VPS33B: variants seen among roughly 807,000 people sequenced by gnomAD.
VPS33B encodes the protein VPS33B late endosome and lysosome associated, also known as vacuolar protein sorting-associated protein 33B.
A neutral mutation model predicts 95.3 loss-of-function variants in VPS33B; 80 were observed. The ratio of observed to expected loss-of-function variants is 0.84; its 90% CI spans 0.70 to 1.01. The LOEUF is 1.01. VPS33B is among the 50% of genes least tolerant of loss of function. The probability of loss-of-function intolerance (pLI) is 0.00; values close to 1 mark genes in which losing one functional copy is unlikely to be tolerated. For synonymous variants in VPS33B, 280 were observed against 280.4 expected, an observed-to-expected ratio of 1.00 and a Z score of 0.01; for missense variants, 715 against 773.4, an observed-to-expected ratio of 0.92 and a Z score of 0.90.
chr15:91,009,927 G>T lies in VPS33B; in HGVS notation c.358-81C>A, dbSNP rs2040735161. 3 of 1,531,546 alleles carry T rather than the reference G, an allele frequency of 2.0e-6. No individual in the cohort carries two copies. The highest frequency in any genetic ancestry group is 1.7e-5 in the Admixed American group (1 of 59,604). 94.9% of individuals were successfully genotyped at this position (1,531,546 alleles called of 1,614,324 possible). A position where few individuals can be genotyped will look rare whatever the true frequency, so the allele number is the denominator to read the frequency against. ...TCTCTGGAGTTCCTCTGTGGTCACT[G>T]ATGAGGACAATAATTGCCGAACCCA... On this transcript the variant is annotated intron_variant, in intron 5 of 22. Coordinates refer to ENST00000333371, the MANE Select transcript of VPS33B (RefSeq NM_018668.5). This position sits in a 1 kb window ranked among gnomAD's most constrained non-coding sequence, Gnocchi z 4.1.
chr15:91,006,625 C>T lies in VPS33B; in HGVS notation c.778+27G>A, dbSNP rs190378588. On this transcript the variant is annotated intron_variant, in intron 10 of 22. Transcript: ENST00000333371. The surrounding 1 kb of genome is among the most constrained non-coding windows in gnomAD (Gnocchi z 5.4). ...AAGGCTGATGACCCGTCCATCTTGC[C>T]AAGATGCAGAGGACCATAGCACTTA... 2 of 1,614,152 alleles carry T rather than the reference C, an allele frequency of 1.2e-6. No homozygotes were observed. Among genetic ancestry groups the T allele is most frequent in the South Asian group, 1.1e-5 (1 of 91,086 alleles).
At position 91,006,630 on chromosome 15, in the gene VPS33B, T is replaced by C; in HGVS notation, c.778+22A>G. The C allele has an allele frequency of 1.2e-6, 2 of 1,614,192 alleles. No homozygotes were observed. Among genetic ancestry groups the C allele is most frequent in the Non-Finnish European group, 1.7e-6 (2 of 1,180,010 alleles). On this transcript the variant is annotated intron_variant, in intron 10 of 22. Transcript: ENST00000333371. The surrounding 1 kb of genome is among the most constrained non-coding windows in gnomAD (Gnocchi z 5.4). ...TGATGACCCGTCCATCTTGCCAAGA[T>C]GCAGAGGACCATAGCACTTACCACA...
At position 91,006,162 on chromosome 15, in the gene VPS33B, A is replaced by T; in HGVS notation, c.853-103T>A. The T allele has an allele frequency of 7.1e-7, 1 of 1,418,408 alleles. No homozygotes were observed. Among genetic ancestry groups the T allele is most frequent in the Non-Finnish European group, 9.9e-7 (1 of 1,014,722 alleles). The allele number at this position is 1,418,408 out of a possible 1,614,324, so 87.9% of individuals were successfully genotyped here. The stretch of plus-strand genomic sequence containing the variant: ...TACTCAGGTGTTCTGGCAGAAATAC[A>T]AAGAAAGCTGAGCTGGGATCTGTAA... On this transcript the variant is annotated intron_variant, in intron 11 of 22. Coordinates refer to ENST00000333371, the MANE Select transcript of VPS33B (RefSeq NM_018668.5). This position sits in a 1 kb window ranked among gnomAD's most constrained non-coding sequence, Gnocchi z 5.4.
chr15:91,017,983 G>T, intron 1 of VPS33B, 98 bp from the exon 2 acceptor site: 2 of 1,066,060 alleles, frequency 1.9e-6, no homozygotes, highest in Non-Finnish European at 2.9e-6. Flanking sequence ...CAGTCTCTGA[G>T]GTGGGAGGGC....
rs1478354530 is a variant in VPS33B, at chr15:91,018,685, G to A, written c.97-800C>T. Reference sequence around the variant, plus strand: ...GGGTTTTACTGGCATCTTGTGGGTAGAGGCCAGGGGTGCTGCTAGACATCC... The same window carrying A: ...GGGTTTTACTGGCATCTTGTGGGTAAAGGCCAGGGGTGCTGCTAGACATCC... On this transcript the variant is annotated intron_variant, in intron 1 of 22. Coordinates refer to ENST00000333371, the MANE Select transcript of VPS33B (RefSeq NM_018668.5). The surrounding 1 kb of genome is among the most constrained non-coding windows in gnomAD (Gnocchi z 4.7). Among the ~76,000 whole-genome samples the A allele has an allele frequency of 1.3e-5, 2 of 152,344 alleles. No individual in the cohort carries two copies. Among genetic ancestry groups the A allele is most frequent in the South Asian group, 4.1e-4 (2 of 4,828 alleles).
Position 91,006,479 on chromosome 15 carries a change from C to T in VPS33B, c.779-34G>A. 6.2e-7 allele frequency: 1 copy of T among 1,613,980 alleles called. No individual in the cohort carries two copies. Among genetic ancestry groups the T allele is most frequent in the Non-Finnish European group, 8.5e-7 (1 of 1,179,864 alleles). On this transcript the variant is annotated intron_variant, in intron 10 of 22. Transcript: ENST00000333371. This position sits in a 1 kb window ranked among gnomAD's most constrained non-coding sequence, Gnocchi z 5.4. Reference sequence around the variant, plus strand: ...GCAGAGGGACAGCTATTAGGATCTCCAATGAGGACTTCTCCTACCATTCCC... The same window carrying T: ...GCAGAGGGACAGCTATTAGGATCTCTAATGAGGACTTCTCCTACCATTCCC...
In VPS33B at chr15:91,002,958, G is replaced by C; in HGVS notation, c.1272+127C>G. The C allele has an allele frequency of 9.8e-7, 1 of 1,024,660 alleles. No individual in the cohort carries two copies. The allele number at this position is 1,024,660 out of a possible 1,614,324, so 63.5% of individuals were successfully genotyped here. ...GTGACTCTCCCTAGTAGCTCTAAGA[G>C]GGAGGCCTGAATGGAAACAGGAGGG... On this transcript the variant is annotated intron_variant, in intron 17 of 22. Transcript: ENST00000333371. This position sits in a 1 kb window ranked among gnomAD's most constrained non-coding sequence, Gnocchi z 4.7.
At position 91,001,309 on chromosome 15, in the gene VPS33B, CAA is replaced by C. The variant is rs35353020; in HGVS notation, c.1479+78_1479+79del. The C allele has an allele frequency of 0.032, 23,788 of 744,934 alleles. 221 individuals carry two copies. The highest frequency in any genetic ancestry group is 0.14 in the African/African-American group (6,000 of 42,456). 46.1% of individuals were successfully genotyped at this position (744,934 alleles called of 1,614,324 possible). ...TGGGCAACAGAGCAAGATTCCATCT[CAA>C]AAAAAAAAAAAAAAAAGAAAAGTAC... On this transcript the variant is annotated intron_variant, in intron 19 of 22. Transcript: ENST00000333371.
In VPS33B at chr15:91,002,345, C is replaced by G. The variant is rs112395785; in HGVS notation, c.1273-163G>C. Among the ~76,000 whole-genome samples the G allele has an allele frequency of 6.6e-6, 1 of 152,174 alleles. No homozygotes were observed. The highest frequency in any genetic ancestry group is 1.5e-5 in the Non-Finnish European group (1 of 68,012). On this transcript the variant is annotated intron_variant, in intron 17 of 22. Coordinates refer to ENST00000333371, the MANE Select transcript of VPS33B (RefSeq NM_018668.5). The surrounding 1 kb of genome is among the most constrained non-coding windows in gnomAD (Gnocchi z 4.7). ...TCACATCAGAAATAACCAAACAGGG[C>G]TGGGAGCGGTGGCTCATGCCTGTAA...
chr15:91,000,421 A>G lies in VPS33B; in HGVS notation c.1581+69T>C. 1 of 1,416,110 alleles carries G rather than the reference A, an allele frequency of 7.1e-7. No homozygotes were observed. The highest frequency in any genetic ancestry group is 9.8e-7 in the Non-Finnish European group (1 of 1,024,290). The allele number at this position is 1,416,110 out of a possible 1,614,324, so 87.7% of individuals were successfully genotyped here. A position where few individuals can be genotyped will look rare whatever the true frequency, so the allele number is the denominator to read the frequency against. The stretch of plus-strand genomic sequence containing the variant: ...CAAATAAAAAAAAAAAAACATTGAG[A>G]CACGCCAGGGACCAAGAGAAAGCAG... On this transcript the variant is annotated intron_variant, in intron 20 of 22. Transcript: ENST00000333371. This position sits in a 1 kb window ranked among gnomAD's most constrained non-coding sequence, Gnocchi z 4.9.
chr15:91,001,927 A>G (rs1419134461), intron 18 of VPS33B, 123 bp downstream of exon 18: 1 of 1,493,490 alleles, frequency 6.7e-7, no homozygotes, highest in African/African-American at 1.4e-5. Flanking sequence ...AATAATAGTA[A>G]TGACATTAAT....
intron 3 of VPS33B, 43 bp downstream of exon 3, chr15:91,016,920 C>T (rs370485630): frequency 3.2e-5 from 51 of 1,601,170 alleles, no homozygotes; most frequent in Non-Finnish European, 4.3e-5. Context: ...CCCTAGGGAC[C>T]TCTTCCAGCT....
chr15:91,001,077 A>G, intron 19 of VPS33B: 1 of 375,028 alleles, frequency 2.7e-6, no homozygotes, highest in Non-Finnish European at 5.1e-6. Context: ...GCACTTTGGG[A>G]GGCCGAGGTG....
chr15:90,999,472 C>G lies in VPS33B; in HGVS notation c.1774+205G>C. ...TAGTTAGCATTACAGGCACCGGCCACCATGCCTGGCTAATTTTTGTATTTT... is the reference window on the plus strand; with the variant it reads ...TAGTTAGCATTACAGGCACCGGCCAGCATGCCTGGCTAATTTTTGTATTTT... On this transcript the variant is annotated intron_variant, in intron 22 of 22. Coordinates refer to ENST00000333371, the MANE Select transcript of VPS33B (RefSeq NM_018668.5). The surrounding 1 kb of genome is among the most constrained non-coding windows in gnomAD (Gnocchi z 5.1). The G allele has an allele frequency of 1.5e-6, 1 of 646,728 alleles. No homozygotes were observed. Among genetic ancestry groups the G allele is most frequent in the Non-Finnish European group, 2.8e-6 (1 of 355,622 alleles). 40.1% of individuals were successfully genotyped at this position (646,728 alleles called of 1,614,324 possible). A position where few individuals can be genotyped will look rare whatever the true frequency, so the allele number is the denominator to read the frequency against.
In VPS33B at chr15:91,022,389, T is replaced by C; in HGVS notation, c.-140A>G. 1 of 745,000 alleles carries C rather than the reference T, an allele frequency of 1.3e-6. No individual in the cohort carries two copies. Among genetic ancestry groups the C allele is most frequent in the South Asian group, 1.9e-5 (1 of 52,762 alleles). 46.1% of individuals were successfully genotyped at this position (745,000 alleles called of 1,614,324 possible). A position where few individuals can be genotyped will look rare whatever the true frequency, so the allele number is the denominator to read the frequency against. ...GAGACCCCAGATGGGCCCTCGCTCC[T>C]CAGCAGCACTCCAGGAATGAATGGC... is the stretch of plus-strand genomic sequence containing the variant. On this transcript the variant is annotated 5_prime_UTR_variant, in exon 1 of 23. Transcript: ENST00000333371.
Position 90,999,932 on chromosome 15 carries a change from C to T in VPS33B, c.1625G>A (p.Arg542Gln), listed in dbSNP as rs762834985. 1.1e-5 allele frequency: 18 copies of T among 1,614,166 alleles called. No individual in the cohort carries two copies. Among genetic ancestry groups the T allele is most frequent in the Middle Eastern group, 1.6e-4 (1 of 6,062 alleles). Residue 542 changes from arginine to glutamine, a missense_variant, in exon 21 of 23, where the codon CGG (arginine) becomes CAG (glutamine). Coordinates refer to ENST00000333371, the MANE Select transcript of VPS33B (RefSeq NM_018668.5). This position sits in a 1 kb window ranked among gnomAD's most constrained non-coding sequence, Gnocchi z 5.1. ...TGCAAAGTCACTGCAGTTGAGCAGCCGTACCACCTCATCAAGGCCCTGCCA... is the reference window on the plus strand; with the variant it reads ...TGCAAAGTCACTGCAGTTGAGCAGCTGTACCACCTCATCAAGGCCCTGCCA... ...RSWQGLDEVV[R>Q]LLNCSDFAFT...
Position 91,018,773 on chromosome 15 carries a change from A to G in VPS33B, c.97-888T>C, listed in dbSNP as rs2041017281. Among the ~76,000 whole-genome samples, 1 of 152,088 alleles carries G rather than the reference A, an allele frequency of 6.6e-6. No individual in the cohort carries two copies. The highest frequency in any genetic ancestry group is 2.4e-5 in the African/African-American group (1 of 41,410). ...CCAGCCCAAAAAGTCAACAGTATAG[A>G]GAGCAGGAAATCTTTTTTTTTAAAT... On this transcript the variant is annotated intron_variant, in intron 1 of 22. Transcript: ENST00000333371. The surrounding 1 kb of genome is among the most constrained non-coding windows in gnomAD (Gnocchi z 4.7).
chr15:91,012,057 A>G (rs12148592), intron 5 of VPS33B, among the ~76,000 whole-genome samples: 21,780 of 151,170 alleles, frequency 0.14, 2,091 homozygotes, highest in African/African-American at 0.27. Context: ...CCTTGGAAGC[A>G]TAATTTGAAA....
In VPS33B at chr15:91,005,145, T is replaced by C; in HGVS notation, c.1106-26A>G. On this transcript the variant is annotated intron_variant, in intron 14 of 22. Coordinates refer to ENST00000333371, the MANE Select transcript of VPS33B (RefSeq NM_018668.5). This position sits in a 1 kb window ranked among gnomAD's most constrained non-coding sequence, Gnocchi z 6.4. The stretch of plus-strand genomic sequence containing the variant: ...CTGTGAGTAATCAGAGGAGAGCCTG[T>C]TACTGGGGGCCAGCTCAGCTGCTGC... 6.2e-7 allele frequency: 1 copy of C among 1,614,124 alleles called. No homozygotes were observed. The highest frequency in any genetic ancestry group is 2.2e-5 in the East Asian group (1 of 44,882).
Sources: allele counts gnomAD v4.1 joint callset (sites outside exome capture counted in the v4.1 genomes callset), GRCh38; gene constraint gnomAD v4.1.1; non-coding constraint Gnocchi (gnomAD v3.1); transcripts MANE v1.5; gene names NCBI Gene and HGNC (gene_info 2026-07-23, HGNC 2026-07-21).